Variants in EFL1 observed in about 807,000 individuals in gnomAD.
EFL1 encodes the protein elongation factor-like GTPase 1.
EFL1 carries 76 observed loss-of-function variants against 126.7 expected under a neutral mutation model. The ratio of observed to expected loss-of-function variants is 0.60; its 90% CI spans 0.50 to 0.73. EFL1 has a LOEUF of 0.73. EFL1 is among the 30% of genes least tolerant of loss of function. The pLI is 0.00. For synonymous variants in EFL1, 410 were observed against 448.4 expected, an observed-to-expected ratio of 0.91 and a Z score of 1.08; for missense variants, 1,128 against 1,343.2, an observed-to-expected ratio of 0.84 and a Z score of 2.50.
At chr15:82,208,965 A>G (rs2074554523) in intron 15 of EFL1, among the ~76,000 whole-genome samples, 2 of 152,138 alleles carry the variant, frequency 1.3e-5, no homozygotes, top group Admixed American at 1.3e-4. Flanking sequence ...TATGAAAATA[A>G]AAAGAAATAT....
At chr15:82,199,565 T>A (rs947005702) in intron 15 of EFL1, among the ~76,000 whole-genome samples, 2 of 152,244 alleles carry the variant, frequency 1.3e-5, no homozygotes, top group Admixed American at 1.3e-4. Context: ...AATCATTTAT[T>A]TGGTAATAAT....
rs376095522 is a variant in EFL1 at position 82,130,452 on chromosome 15, C to T, written c.3284G>A (p.Arg1095Gln). Residue 1095 changes from arginine (R) to glutamine (Q), a missense_variant, in exon 20 of 20, where the codon CGA becomes CAA. Coordinates refer to ENST00000268206, the MANE Select transcript of EFL1 (RefSeq NM_024580.6). ...NQARKYMNAV[R>Q]KRKGLYVEEK... is the part of the protein sequence containing the mutation. ...TTCCACATAAAGCCCCTTCCGCTTT[C>T]GTACTGCGTTCATGTACTTCCGGGC... The T allele has an allele frequency of 2.5e-5, 40 of 1,614,088 alleles. No homozygotes were observed. The highest frequency in any genetic ancestry group is 3.1e-5 in the Non-Finnish European group (37 of 1,180,048).
chr15:82,169,392 T>C (rs777083352), intron 15 of EFL1, among the ~76,000 whole-genome samples: 6 of 152,014 alleles, frequency 3.9e-5, no homozygotes, highest in Non-Finnish European at 7.4e-5. Context: ...TCTTGGAGCA[T>C]AAATTGGGAT....
chr15:82,237,853 T>C (rs1199429973), intron 7 of EFL1, among the ~76,000 whole-genome samples: 5 of 152,048 alleles, frequency 3.3e-5, no homozygotes, highest in Non-Finnish European at 7.4e-5. Flanking sequence ...ACAGTATTAA[T>C]GCATGCAATA....
intron 15 of EFL1, among the ~76,000 whole-genome samples, chr15:82,193,366 C>G (rs2651707): frequency 8.6e-5 from 13 of 152,024 alleles, no homozygotes; most frequent in Non-Finnish European, 1.3e-4. Context: ...GAAAGTACCT[C>G]AACTCAATTC....
In EFL1 at chr15:82,238,175, C is replaced by G. The variant is rs1403196973; in HGVS notation, c.731+132G>C. On this transcript the variant is annotated intron_variant, in intron 7 of 19. Coordinates refer to ENST00000268206, the MANE Select transcript of EFL1 (RefSeq NM_024580.6). Reference sequence around the variant, plus strand: ...GAGGCAGTTACTGGGTAAAGGGCACCAGAGAACTCTCTGCATTATCTCTTA... The same window carrying G: ...GAGGCAGTTACTGGGTAAAGGGCACGAGAGAACTCTCTGCATTATCTCTTA... 3.1e-6 allele frequency: 3 copies of G among 967,596 alleles called. No homozygotes were observed. In the African/African-American group the frequency reaches 5.0e-5, roughly 16 times the overall value. The allele number at this position is 967,596 out of a possible 1,614,324, so 59.9% of individuals were successfully genotyped here. A position where few individuals can be genotyped will look rare whatever the true frequency, so the allele number is the denominator to read the frequency against.
chr15:82,211,708 C>T (rs2074592842), intron 15 of EFL1, among the ~76,000 whole-genome samples: 1 of 151,418 alleles, frequency 6.6e-6, no homozygotes, highest in African/African-American at 2.4e-5. Context: ...TATGAGACTG[C>T]TGCTACTGCT....
chr15:82,203,039 C>G (rs2074487201), intron 15 of EFL1, among the ~76,000 whole-genome samples: 1 of 152,116 alleles, frequency 6.6e-6, no homozygotes, highest in African/African-American at 2.4e-5. Flanking sequence ...CTCTTAACTC[C>G]TGACCTTGTG....
chr15:82,221,003 T>A (rs1289021116), intron 12 of EFL1, among the ~76,000 whole-genome samples: 1 of 152,170 alleles, frequency 6.6e-6, no homozygotes, highest in Non-Finnish European at 1.5e-5. Context: ...GAGGTCCTTA[T>A]GAACCTACCT....
intron 7 of EFL1, among the ~76,000 whole-genome samples, chr15:82,237,437 C>T (rs1217761291): frequency 6.6e-6 from 1 of 152,086 alleles, no homozygotes; most frequent in Non-Finnish European, 1.5e-5. Flanking sequence ...GTTAGGAAAA[C>T]GCAAATTAAA....
chr15:82,145,162 G>C (rs1393566579), intron 18 of EFL1, among the ~76,000 whole-genome samples: 3 of 151,876 alleles, frequency 2.0e-5, no homozygotes, highest in Non-Finnish European at 4.4e-5. Flanking sequence ...AATTAGCCGG[G>C]CGTGGTGGCA....
intron 15 of EFL1, among the ~76,000 whole-genome samples, chr15:82,183,734 G>C (rs552389707): frequency 6.6e-6 from 1 of 152,328 alleles, no homozygotes; most frequent in East Asian, 1.9e-4. Flanking sequence ...TGTGTTCTCT[G>C]TTTGTGAATA....
intron 12 of EFL1, among the ~76,000 whole-genome samples, chr15:82,222,025 T>C (rs972257038): frequency 6.6e-6 from 1 of 152,216 alleles, no homozygotes; most frequent in East Asian, 1.9e-4. Context: ...TAAAAACTCA[T>C]AAGAATATCT....
chr15:82,157,341 T>C (rs913842053), intron 17 of EFL1: 1 of 156,618 alleles, frequency 6.4e-6, no homozygotes, highest in Non-Finnish European at 1.4e-5. Context: ...AAGGTTTACA[T>C]TGTAAAGACC....
intron 15 of EFL1, among the ~76,000 whole-genome samples, chr15:82,205,602 C>T (rs1290499340): frequency 6.6e-6 from 1 of 152,000 alleles, no homozygotes; most frequent in African/African-American, 2.4e-5. Flanking sequence ...AACTGTTAAC[C>T]CATTTTGCTC....
intron 10 of EFL1, among the ~76,000 whole-genome samples, chr15:82,227,917 G>C (rs1268827886): frequency 6.6e-6 from 1 of 152,114 alleles, no homozygotes; most frequent in African/African-American, 2.4e-5. Context: ...TTGAATCTTA[G>C]TGTAAACATT....
At chr15:82,239,593 C>A (rs1012543259) in intron 6 of EFL1, among the ~76,000 whole-genome samples, 1 of 152,216 alleles carries the variant, frequency 6.6e-6, no homozygotes, top group Non-Finnish European at 1.5e-5. Flanking sequence ...CTCTCACGCA[C>A]GGCATATCAG....
intron 2 of EFL1, among the ~76,000 whole-genome samples, chr15:82,260,605 CTCAT>C (rs1421196646): frequency 6.6e-6 from 1 of 152,220 alleles, no homozygotes; most frequent in Non-Finnish European, 1.5e-5. Context: ...TACCTTCCCT[CTCAT>C]TATTATCACA....
rs200867541 is a variant in EFL1, at chr15:82,180,373, C to CA, written c.1751-16390dup. 1.5e-3 allele frequency among the ~76,000 whole-genome samples: 145 copies of CA among 94,000 alleles called. No homozygotes were observed. In the South Asian group the frequency reaches 0.018, roughly 12 times the overall value. The allele number at this position is 94,000 out of a possible 152,430, so 61.7% of individuals were successfully genotyped here. ...GATTAAACTGGCAAAAAAAAAAAAA[C>CA]AAAAAAAAAACAAACAAAAAAAACC... On this transcript the variant is annotated intron_variant, in intron 15 of 19. Transcript: ENST00000268206.
Sources: allele counts gnomAD v4.1 joint callset (sites outside exome capture counted in the v4.1 genomes callset), GRCh38; gene constraint gnomAD v4.1.1; transcripts MANE v1.5; gene names NCBI Gene and HGNC (gene_info 2026-07-23, HGNC 2026-07-21).